Variants in ASTN1 observed in about 807,000 individuals in gnomAD.
ASTN1 encodes the protein astrotactin-1.
A neutral mutation model predicts 140.7 loss-of-function variants in ASTN1; 41 were observed. The observed-to-expected ratio is 0.29, with a 90% CI of 0.23 to 0.38. The LOEUF is 0.38. Ranked by LOEUF, ASTN1 falls within the 10% of genes least tolerant of loss-of-function variation. The pLI is 1.00. For missense variants in ASTN1, 1,479 were observed against 1,678.8 expected (o/e 0.88, Z 2.08); for synonymous variants, 640 against 652.2 (o/e 0.98, Z 0.29).
At chr1:177,122,060 A>G (rs1201703925) in intron 1 of ASTN1, among the ~76,000 whole-genome samples, 1 of 152,176 alleles carries the variant, frequency 6.6e-6, no homozygotes, top group Non-Finnish European at 1.5e-5. Flanking sequence ...ACTACCCTGG[A>G]GCACTTTGGG....
intron 1 of ASTN1, among the ~76,000 whole-genome samples, chr1:177,133,013 A>G (rs961442309): frequency 6.6e-6 from 1 of 152,190 alleles, no homozygotes; most frequent in Non-Finnish European, 1.5e-5. Context: ...CATAAATCAC[A>G]ATGATTCATA....
rs556256976 is a variant in ASTN1, at chr1:176,902,530, T to C, written c.2672-7700A>G. ...CCGGCTAATTAGGTTTATGTTAAAC[T>C]GAGGTTTTGGTGTAGATGCCGTGGT... is the stretch of plus-strand genomic sequence containing the variant. On this transcript the variant is annotated intron_variant, in intron 16 of 22. Transcript: ENST00000361833. Among the ~76,000 whole-genome samples the C allele has an allele frequency of 3.9e-5, 6 of 152,344 alleles. No homozygotes were observed. In the South Asian group the frequency reaches 1.0e-3, roughly 26 times the overall value.
intron 16 of ASTN1, among the ~76,000 whole-genome samples, chr1:176,932,473 G>C (rs1671249477): frequency 6.6e-6 from 1 of 152,052 alleles, no homozygotes; most frequent in Non-Finnish European, 1.5e-5. Context: ...CCAGACTAAA[G>C]AGGAGAACAC....
intron 1 of ASTN1, among the ~76,000 whole-genome samples, chr1:177,100,936 T>C (rs1680272181): frequency 6.6e-6 from 1 of 151,964 alleles, no homozygotes; most frequent in African/African-American, 2.4e-5. Flanking sequence ...CTAATAAAAA[T>C]ACAAAAATTA....
chr1:177,024,101 C>G (rs1389314736), intron 6 of ASTN1, among the ~76,000 whole-genome samples: 4 of 152,212 alleles, frequency 2.6e-5, no homozygotes, highest in Non-Finnish European at 1.5e-5. Context: ...ATTACTCCCT[C>G]ATTATATTGG....
intron 11 of ASTN1, among the ~76,000 whole-genome samples, chr1:176,951,256 A>G (rs1672180886): frequency 6.6e-6 from 1 of 152,110 alleles, no homozygotes; most frequent in South Asian, 2.1e-4. Flanking sequence ...ATTGCCCCCC[A>G]TGTTTTGCTA....
intron 8 of ASTN1, among the ~76,000 whole-genome samples, chr1:176,999,438 T>C (rs1221348092): frequency 2.6e-5 from 4 of 152,232 alleles, no homozygotes; most frequent in Non-Finnish European, 5.9e-5. Flanking sequence ...CCAGACAGGA[T>C]GAAATCTTTG....
At chr1:177,006,165 C>A (rs1025739211) in intron 8 of ASTN1, among the ~76,000 whole-genome samples, 1 of 152,014 alleles carries the variant, frequency 6.6e-6, no homozygotes, top group African/African-American at 2.4e-5. Context: ...AAGAATAACA[C>A]CCTCAAGGAA....
chr1:176,995,459 T>C (rs1448205043), intron 8 of ASTN1, among the ~76,000 whole-genome samples: 1 of 152,134 alleles, frequency 6.6e-6, no homozygotes, highest in Non-Finnish European at 1.5e-5. Context: ...CAGATAAGCC[T>C]GGGATGGCAG....
chr1:176,957,223 A>T (rs1268745541), intron 11 of ASTN1, among the ~76,000 whole-genome samples: 1 of 152,140 alleles, frequency 6.6e-6, no homozygotes, highest in African/African-American at 2.4e-5. Context: ...AGGGCTGATA[A>T]CGAAGTACTT....
chr1:177,014,581 A>T (rs563695476), intron 8 of ASTN1, among the ~76,000 whole-genome samples: 1 of 152,362 alleles, frequency 6.6e-6, no homozygotes, highest in East Asian at 1.9e-4. Context: ...CAGGGCTGCG[A>T]GTCAGAGGCT....
intron 21 of ASTN1, among the ~76,000 whole-genome samples, chr1:176,875,874 G>A (rs1293250236): frequency 6.6e-6 from 1 of 152,182 alleles, no homozygotes; most frequent in African/African-American, 2.4e-5. Context: ...GTTATAAATA[G>A]GGTGTAAAAA....
chr1:177,026,555 C>T (rs1212661572), intron 5 of ASTN1, among the ~76,000 whole-genome samples: 2 of 152,158 alleles, frequency 1.3e-5, no homozygotes, highest in Non-Finnish European at 1.5e-5. Flanking sequence ...CATATGGCAG[C>T]TGTATTTTTA....
intron 1 of ASTN1, among the ~76,000 whole-genome samples, chr1:177,078,872 T>A (rs571557915): frequency 6.6e-5 from 10 of 152,284 alleles, no homozygotes; most frequent in African/African-American, 2.4e-4. Context: ...AAATGCACTG[T>A]ACATGACAGC....
intron 1 of ASTN1, among the ~76,000 whole-genome samples, chr1:177,158,218 C>A (rs1298506958): frequency 3.3e-5 from 5 of 152,146 alleles, no homozygotes; most frequent in Non-Finnish European, 7.4e-5. Flanking sequence ...CCTTGGAAAT[C>A]TAGAGATCTG....
At chr1:177,004,232 A>G (rs1674881782) in intron 8 of ASTN1, among the ~76,000 whole-genome samples, 1 of 152,140 alleles carries the variant, frequency 6.6e-6, no homozygotes, top group Non-Finnish European at 1.5e-5. Flanking sequence ...TAGCGACAAA[A>G]AAAAAATACC....
chr1:176,951,664 T>C (rs1442425639), intron 11 of ASTN1, among the ~76,000 whole-genome samples: 1 of 152,154 alleles, frequency 6.6e-6, no homozygotes, highest in Non-Finnish European at 1.5e-5. Flanking sequence ...CAGGCTTTGT[T>C]TCAGAATTCC....
intron 18 of ASTN1, among the ~76,000 whole-genome samples, chr1:176,885,310 C>T (rs1668989307): frequency 6.6e-6 from 1 of 152,216 alleles, no homozygotes; most frequent in South Asian, 2.1e-4. Context: ...GCCTTGCCAG[C>T]TCATACCTCT....
In ASTN1 at chr1:176,861,191, T is replaced by C; in HGVS notation, c.*3093A>G. ...GTCATATTATATTCTTTCTTCCTTC[T>C]GCAGTAGTAAAGTGTTTTTCTTCAT... On this transcript the variant is annotated 3_prime_UTR_variant, in exon 23 of 23. Coordinates refer to ENST00000361833, the MANE Select transcript of ASTN1 (RefSeq NM_004319.3). The C allele has an allele frequency of 2.1e-6, 2 of 966,516 alleles. No homozygotes were observed. Among genetic ancestry groups the C allele is most frequent in the Non-Finnish European group, 1.2e-6 (1 of 812,412 alleles). 59.9% of individuals were successfully genotyped at this position (966,516 alleles called of 1,614,324 possible).
Sources: allele counts gnomAD v4.1 joint callset (sites outside exome capture counted in the v4.1 genomes callset), GRCh38; gene constraint gnomAD v4.1.1; transcripts MANE v1.5; gene names NCBI Gene and HGNC (gene_info 2026-07-23, HGNC 2026-07-21).